NRXN3: variants seen among roughly 807,000 people sequenced by gnomAD.
NRXN3 encodes neurexin III.
In NRXN3, 32 loss-of-function variants were observed where a neutral mutation model predicts 137.6. The ratio of observed to expected loss-of-function variants is 0.23; its 90% CI spans 0.18 to 0.31. The LOEUF is 0.31. NRXN3 is among the 10% of genes least tolerant of loss of function. The pLI, the probability that NRXN3 is intolerant of heterozygous loss-of-function variation, is 1.00. For synonymous variants in NRXN3, 798 were observed against 784.5 expected (o/e 1.02, Z -0.29); for missense variants, 1,574 against 2,062.5 (o/e 0.76, Z 4.59).
At chr14:79,607,458 C>T (rs534482982) in intron 16 of NRXN3, among the ~76,000 whole-genome samples, 2 of 152,092 alleles carry the variant, frequency 1.3e-5, no homozygotes, top group African/African-American at 2.4e-5. Context: ...TTGGCAAAAG[C>T]GTAACATAAG....
At chr14:78,451,036 G>C (rs1226404968) in intron 4 of NRXN3, among the ~76,000 whole-genome samples, 1 of 152,132 alleles carries the variant, frequency 6.6e-6, no homozygotes, top group Non-Finnish European at 1.5e-5. Context: ...GGCAGAGATG[G>C]GGAAGGATGG....
At chr14:78,968,563 G>T (rs1275178757) in intron 14 of NRXN3, among the ~76,000 whole-genome samples, 1 of 152,100 alleles carries the variant, frequency 6.6e-6, no homozygotes, top group African/African-American at 2.4e-5. Flanking sequence ...GATGTTTTCT[G>T]AGTATCACAT....
At chr14:78,315,215 A>T (rs1367293962) in intron 4 of NRXN3, among the ~76,000 whole-genome samples, 1 of 150,284 alleles carries the variant, frequency 6.7e-6, no homozygotes, top group African/African-American at 2.4e-5. Flanking sequence ...CTGGTTTTGA[A>T]CTCTTGACCT....
chr14:78,821,771 A>G (rs2098951556), intron 10 of NRXN3, among the ~76,000 whole-genome samples: 3 of 152,180 alleles, frequency 2.0e-5, no homozygotes, highest in African/African-American at 7.2e-5. Flanking sequence ...ACAAAAAGAA[A>G]TTGATAATTG....
intron 4 of NRXN3, among the ~76,000 whole-genome samples, chr14:78,504,551 G>A (rs981090220): frequency 6.6e-6 from 1 of 152,032 alleles, no homozygotes; most frequent in Admixed American, 6.6e-5. Flanking sequence ...ATGGGGAAGG[G>A]GCCTCAGGAA....
intron 15 of NRXN3, among the ~76,000 whole-genome samples, chr14:79,391,645 G>C (rs2094848464): frequency 6.6e-6 from 1 of 152,192 alleles, no homozygotes; most frequent in African/African-American, 2.4e-5. Context: ...GGATTGGGAT[G>C]AAAATCAAAC....
chr14:78,340,605 G>A lies in NRXN3; in HGVS notation c.757+42745G>A, dbSNP rs375194741. On this transcript the variant is annotated intron_variant, in intron 4 of 20. Transcript: ENST00000335750. Reference sequence around the variant, plus strand: ...TTGGTTCTCCTCCATGTGGCTTCTCGTCTTCCAGGGTCTCTTCTTGCGGCT... The same window carrying A: ...TTGGTTCTCCTCCATGTGGCTTCTCATCTTCCAGGGTCTCTTCTTGCGGCT... Among the ~76,000 whole-genome samples the A allele has an allele frequency of 9.2e-5, 14 of 152,208 alleles. No individual in the cohort carries two copies. The East Asian group carries it at 1.7e-3, about 19-fold the overall frequency.
chr14:79,675,012 AATC>A (rs1441329104), intron 17 of NRXN3, among the ~76,000 whole-genome samples: 2 of 152,002 alleles, frequency 1.3e-5, no homozygotes, highest in African/African-American at 4.8e-5. Flanking sequence ...TTTGTTTTTG[AATC>A]ATCATAGCAT....
intron 16 of NRXN3, among the ~76,000 whole-genome samples, chr14:79,631,223 G>C (rs1300394794): frequency 6.6e-6 from 1 of 152,248 alleles, no homozygotes; most frequent in African/African-American, 2.4e-5. Context: ...GTAAATTATA[G>C]TCAATTGCCA....
intron 17 of NRXN3, among the ~76,000 whole-genome samples, chr14:79,668,162 C>T (rs894290642): frequency 7.2e-5 from 11 of 151,896 alleles, no homozygotes; most frequent in East Asian, 1.9e-4. Context: ...CAACTTAGAA[C>T]GTGAAAAAGA....
chr14:78,749,608 C>A (rs960351616), intron 8 of NRXN3, among the ~76,000 whole-genome samples: 1 of 152,086 alleles, frequency 6.6e-6, no homozygotes, highest in South Asian at 2.1e-4. Context: ...TTAGAGCCAT[C>A]GGTTTATTTT....
chr14:79,799,505 G>A (rs988921633), intron 19 of NRXN3, among the ~76,000 whole-genome samples: 1 of 152,160 alleles, frequency 6.6e-6, no homozygotes, highest in African/African-American at 2.4e-5. Flanking sequence ...TGAAATTCAT[G>A]CTCAGTATCT....
intron 20 of NRXN3, among the ~76,000 whole-genome samples, chr14:79,847,283 C>G (rs2099379875): frequency 1.3e-5 from 2 of 152,164 alleles, no homozygotes. Flanking sequence ...ATTCTTAAAG[C>G]TTGAATACAT....
chr14:79,668,642 A>G (rs2098584873), intron 17 of NRXN3, among the ~76,000 whole-genome samples: 2 of 152,224 alleles, frequency 1.3e-5, no homozygotes, highest in Non-Finnish European at 2.9e-5. Flanking sequence ...TAGTCTAGTT[A>G]GTAAGGTTTT....
rs145670722 is a variant in NRXN3 at position 79,678,989 on chromosome 14, T to C, written c.3617-13184T>C. Among the ~76,000 whole-genome samples the C allele has an allele frequency of 4.0e-3, 604 of 152,282 alleles. 7 individuals are homozygous for C. Among genetic ancestry groups the C allele is most frequent in the African/African-American group, 0.014 (563 of 41,574 alleles). ...CTAGTTTAATTTTATTCATCTAATT[T>C]AAAATGAGAGACTTTATCTTTCTTC... is the stretch of plus-strand genomic sequence containing the variant. On this transcript the variant is annotated intron_variant, in intron 17 of 20. Transcript: ENST00000335750.
chr14:78,243,601 C>T lies in NRXN3; in HGVS notation c.508C>T (p.Pro170Ser), dbSNP rs752541773. The change falls in exon 2 of 21, where the codon CCC becomes TCC. Residue 170 changes from proline to serine, a missense_variant. Pro to Ser is a moderately conservative substitution (Grantham distance 74, BLOSUM62 -1). Around this residue, in one of 5 missense-constraint regions of NRXN3, gnomAD observed 400 missense variants for 527.3 expected, o/e 0.76. Coordinates refer to ENST00000335750, the MANE Select transcript of NRXN3 (RefSeq NM_001330195.2). The surrounding 1 kb of genome is among the most constrained non-coding windows in gnomAD (Gnocchi z 4.2). Reference sequence around the variant, plus strand: ...GACCCTTGATGGAGTTCAGGCCATGCCCGGCTTCAAGGGGTTAATTCTGGA... The same window carrying T: ...GACCCTTGATGGAGTTCAGGCCATGTCCGGCTTCAAGGGGTTAATTCTGGA... ...ALTLDGVQAM[P>S]GFKGLILDLK... 5 of 1,598,314 alleles carry T rather than the reference C, an allele frequency of 3.1e-6. No individual in the cohort carries two copies. The African/African-American group carries it at 6.7e-5, about 21-fold the overall frequency.
In NRXN3 at chr14:78,849,629, A is replaced by G. The variant is rs1279206930; in HGVS notation, c.2275+39285A>G. 3.9e-5 allele frequency among the ~76,000 whole-genome samples: 6 copies of G among 152,220 alleles called. No homozygotes were observed. The East Asian group carries it at 7.7e-4, about 20-fold the overall frequency. The stretch of plus-strand genomic sequence containing the variant: ...TTCTGTTCTATGTGAAAAAAATACT[A>G]TCATTTTATTTAATGCAACCTATCA... On this transcript the variant is annotated intron_variant, in intron 10 of 20. Transcript: ENST00000335750.
intron 16 of NRXN3, among the ~76,000 whole-genome samples, chr14:79,542,206 A>G (rs1197814802): frequency 6.6e-6 from 1 of 152,210 alleles, no homozygotes; most frequent in African/African-American, 2.4e-5. Flanking sequence ...CTCATGTGCA[A>G]TAGAAGAATA....
chr14:79,774,268 A>G (rs1165842980), intron 19 of NRXN3, among the ~76,000 whole-genome samples: 2 of 152,128 alleles, frequency 1.3e-5, no homozygotes, highest in Non-Finnish European at 2.9e-5. Flanking sequence ...CATGATCTGA[A>G]GTGACAATGG....
Sources: allele counts gnomAD v4.1 joint callset (sites outside exome capture counted in the v4.1 genomes callset), GRCh38; gene constraint gnomAD v4.1.1; regional missense constraint gnomAD v4.1.1; non-coding constraint Gnocchi (gnomAD v3.1); transcripts MANE v1.5; gene names NCBI Gene and HGNC (gene_info 2026-07-23, HGNC 2026-07-21).